WDR89: variants seen among roughly 807,000 people sequenced by gnomAD.
The protein encoded by WDR89 is WD repeat domain 89, also known as WD repeat-containing protein 89.
WDR89 carries 17 observed loss-of-function variants against 29.1 expected under a neutral mutation model. The observed-to-expected ratio is 0.58, with a 90% CI of 0.40 to 0.88. WDR89 has a LOEUF of 0.88. WDR89 is among the 40% of genes least tolerant of loss of function. The pLI is 0.00. For missense variants in WDR89, 396 were observed against 456.3 expected, an observed-to-expected ratio of 0.87 and a Z score of 1.20; for synonymous variants, 138 against 157.8, an observed-to-expected ratio of 0.87 and a Z score of 0.94.
Position 63,599,978 on chromosome 14 carries a change from AAAAAAT to A in WDR89, c.-31-11_-31-6del. The A allele has an allele frequency of 7.4e-7, 1 of 1,347,876 alleles. No homozygotes were observed. Among genetic ancestry groups the A allele is most frequent in the Non-Finnish European group, 9.7e-7 (1 of 1,029,802 alleles). The allele number at this position is 1,347,876 out of a possible 1,614,324, so 83.5% of individuals were successfully genotyped here. A position where few individuals can be genotyped will look rare whatever the true frequency, so the allele number is the denominator to read the frequency against. ...GCATCCAAGGGTAGTAAAACTCTGT[AAAAAAT>A]AATAATAATAAAAATAAAAATTAAT... On this transcript the variant is annotated splice_region_variant and splice_polypyrimidine_tract_variant and intron_variant, in intron 2 of 2. Transcript: ENST00000620954.
chr14:63,598,641 T>C lies in WDR89; in HGVS notation c.*138A>G. The C allele has an allele frequency of 2.8e-6, 2 of 724,402 alleles. No homozygotes were observed. Among genetic ancestry groups the C allele is most frequent in the South Asian group, 3.7e-5 (1 of 26,958 alleles). The allele number at this position is 724,402 out of a possible 1,614,324, so 44.9% of individuals were successfully genotyped here. ...ATATGTGAAGACCGGAATTAAACCA[T>C]TCTCACCATATTTTTCCAGGACTGT... On this transcript the variant is annotated 3_prime_UTR_variant, in exon 3 of 3. Transcript: ENST00000620954.
At chr14:63,627,148 A>ACTCTCTCT (rs1216848834) in intron 1 of WDR89, among the ~76,000 whole-genome samples, 22 of 128,390 alleles carry the variant, frequency 1.7e-4, no homozygotes, top group African/African-American at 6.1e-4. Context: ...ACACACACAC[A>ACTCTCTCT]CACTCTCTCT....
At position 63,598,629 on chromosome 14, in the gene WDR89, G is replaced by A. The variant is rs950134118; in HGVS notation, c.*150C>T. 12 of 613,136 alleles carry A rather than the reference G, an allele frequency of 2.0e-5. No homozygotes were observed. The highest frequency in any genetic ancestry group is 7.6e-5 in the African/African-American group (4 of 52,502). 38.0% of individuals were successfully genotyped at this position (613,136 alleles called of 1,614,324 possible). A position where few individuals can be genotyped will look rare whatever the true frequency, so the allele number is the denominator to read the frequency against. On this transcript the variant is annotated 3_prime_UTR_variant, in exon 3 of 3. Transcript: ENST00000620954. Reference sequence around the variant, plus strand: ...AAATTTTTTAGAATATGTGAAGACCGGAATTAAACCATTCTCACCATATTT... The same window carrying A: ...AAATTTTTTAGAATATGTGAAGACCAGAATTAAACCATTCTCACCATATTT...
intron 1 of WDR89, among the ~76,000 whole-genome samples, chr14:63,635,495 A>G (rs1883675417): frequency 6.6e-6 from 1 of 152,234 alleles, no homozygotes; most frequent in South Asian, 2.1e-4. Flanking sequence ...AATAAAAACC[A>G]TCTATGACAA....
chr14:63,631,747 C>T (rs1883416727), intron 1 of WDR89, among the ~76,000 whole-genome samples: 1 of 152,068 alleles, frequency 6.6e-6, no homozygotes, highest in Non-Finnish European at 1.5e-5. Context: ...TTTGGAAGCA[C>T]GGGGGAGGAA....
intron 2 of WDR89, among the ~76,000 whole-genome samples, chr14:63,619,450 C>A (rs375666041): frequency 6.6e-6 from 1 of 151,956 alleles, no homozygotes; most frequent in South Asian, 2.1e-4. Flanking sequence ...CAGAGAAATA[C>A]CAACAAGTTA....
intron 1 of WDR89, among the ~76,000 whole-genome samples, chr14:63,640,304 T>C (rs752544999): frequency 6.6e-6 from 1 of 152,196 alleles, no homozygotes; most frequent in Non-Finnish European, 1.5e-5. Flanking sequence ...ATCTATTAAA[T>C]TATTTAATCC....
chr14:63,601,877 T>C, intron 2 of WDR89: 1 of 621,978 alleles, frequency 1.6e-6, no homozygotes, highest in Admixed American at 2.5e-5. Context: ...TTCTGAAATC[T>C]TTCATCATGT....
At chr14:63,610,007 A>G (rs1881851817) in intron 2 of WDR89, among the ~76,000 whole-genome samples, 1 of 151,896 alleles carries the variant, frequency 6.6e-6, no homozygotes, top group South Asian at 2.1e-4. Flanking sequence ...AAAAACAAAA[A>G]GACATAGGAG....
At chr14:63,628,217 C>G (rs181649106) in intron 1 of WDR89, among the ~76,000 whole-genome samples, 114 of 152,252 alleles carry the variant, frequency 7.5e-4, no homozygotes, top group African/African-American at 2.7e-3. Context: ...CCAGTCCAGG[C>G]AACAGAGCAA....
At chr14:63,632,979 A>G (rs949325242) in intron 1 of WDR89, among the ~76,000 whole-genome samples, 1 of 152,208 alleles carries the variant, frequency 6.6e-6, no homozygotes, top group Non-Finnish European at 1.5e-5. Flanking sequence ...TCAGACTGCC[A>G]GAGCACAAAT....
intron 2 of WDR89, among the ~76,000 whole-genome samples, chr14:63,606,375 G>T (rs2139502371): frequency 6.6e-6 from 1 of 152,328 alleles, no homozygotes; most frequent in East Asian, 1.9e-4. Context: ...GCTGTACAAT[G>T]TGTTTGTGTT....
intron 2 of WDR89, among the ~76,000 whole-genome samples, chr14:63,623,879 T>G (rs1380972163): frequency 6.6e-6 from 1 of 151,674 alleles, no homozygotes; most frequent in Non-Finnish European, 1.5e-5. Context: ...CATAAAGCCA[T>G]AGATAGGTTA....
intron 1 of WDR89, among the ~76,000 whole-genome samples, chr14:63,637,951 A>C (rs1237481549): frequency 2.6e-5 from 4 of 151,758 alleles, no homozygotes; most frequent in Non-Finnish European, 5.9e-5. Flanking sequence ...CTTACGGAAA[A>C]ATTTTTTTTT....
chr14:63,608,518 C>T (rs1881738075), intron 2 of WDR89, among the ~76,000 whole-genome samples: 1 of 152,162 alleles, frequency 6.6e-6, no homozygotes, highest in African/African-American at 2.4e-5. Flanking sequence ...TATCTTAGAA[C>T]ATCTCTGTCC....
intron 1 of WDR89, among the ~76,000 whole-genome samples, chr14:63,630,418 G>T (rs1259901026): frequency 1.3e-5 from 2 of 151,504 alleles, no homozygotes; most frequent in Non-Finnish European, 2.9e-5. Context: ...CAAGGCGGGA[G>T]GATCACCTGA....
chr14:63,631,109 T>A (rs1883372006), intron 1 of WDR89, among the ~76,000 whole-genome samples: 3 of 152,204 alleles, frequency 2.0e-5, no homozygotes. Context: ...TGTTGCATGT[T>A]CTCACCACAA....
chr14:63,615,976 C>T (rs988260750), intron 2 of WDR89, among the ~76,000 whole-genome samples: 14 of 151,394 alleles, frequency 9.2e-5, no homozygotes, highest in African/African-American at 3.4e-4. Context: ...GGTGCAGTGG[C>T]TCACACCTAT....
At chr14:63,625,055 G>A (rs1211471631) in intron 1 of WDR89, 22 bp from the exon 2 acceptor site, 1 of 151,296 alleles carries the variant, frequency 6.6e-6, no homozygotes, top group Non-Finnish European at 1.5e-5. Flanking sequence ...CAGAAATACG[G>A]GTAAGCTTAA....
Sources: allele counts gnomAD v4.1 joint callset (sites outside exome capture counted in the v4.1 genomes callset), GRCh38; gene constraint gnomAD v4.1.1; transcripts MANE v1.5; gene names NCBI Gene and HGNC (gene_info 2026-07-23, HGNC 2026-07-21).